The following DLG2 variants were observed in gnomAD, a reference collection of about 807,000 sequenced individuals.
The protein encoded by DLG2 is disks large homolog 2.
In DLG2, 45 loss-of-function variants were observed where a neutral mutation model predicts 132.5. The observed-to-expected ratio is 0.34, with a 90% CI of 0.27 to 0.44. The LOEUF is 0.44. Ranked by LOEUF, DLG2 falls within the 20% of genes least tolerant of loss-of-function variation. The pLI, the probability that DLG2 is intolerant of heterozygous loss-of-function variation, is 1.00. For missense variants in DLG2, 1,045 were observed against 1,196.9 expected, an observed-to-expected ratio of 0.87 and a Z score of 1.87; for synonymous variants, 424 against 419.6, an observed-to-expected ratio of 1.01 and a Z score of -0.13.
intron 5 of DLG2, among the ~76,000 whole-genome samples, chr11:85,122,980 T>TATATATATATATATATATATATA (rs1169673884): frequency 3.6e-5 from 1 of 27,594 alleles, no homozygotes; most frequent in African/African-American, 1.6e-4. Flanking sequence ...TTTTTTTTTT[T>TATATATATATATATATATATATA]TTTTTTTTTT....
At chr11:84,130,836 T>C (rs2094392832) in intron 9 of DLG2, among the ~76,000 whole-genome samples, 1 of 151,822 alleles carries the variant, frequency 6.6e-6, no homozygotes, top group African/African-American at 2.4e-5. Context: ...TCAGTTTGCT[T>C]TTAGAGAAGT....
In DLG2 at chr11:83,656,717, A is replaced by C. The variant is rs2072566032; in HGVS notation, c.1826-23392T>G. Reference sequence around the variant, plus strand: ...CACATTGATCCCAATGCAATCTGCTAATCTACATTTTGTTGTACTTTAGAT... The same window carrying C: ...CACATTGATCCCAATGCAATCTGCTCATCTACATTTTGTTGTACTTTAGAT... On this transcript the variant is annotated intron_variant, in intron 18 of 27. Transcript: ENST00000376104. 2.0e-5 allele frequency among the ~76,000 whole-genome samples: 3 copies of C among 152,214 alleles called. No individual in the cohort carries two copies. In the South Asian group the frequency reaches 6.2e-4, roughly 32 times the overall value.
chr11:85,523,126 G>A (rs1464060835), intron 3 of DLG2, among the ~76,000 whole-genome samples: 2 of 152,118 alleles, frequency 1.3e-5, no homozygotes, highest in Non-Finnish European at 2.9e-5. Context: ...AATCATGGGG[G>A]AAGTTCTCCT....
At chr11:83,509,848 G>T (rs1041236956) in intron 21 of DLG2, among the ~76,000 whole-genome samples, 1 of 152,110 alleles carries the variant, frequency 6.6e-6, no homozygotes, top group Non-Finnish European at 1.5e-5. Context: ...AGACCTGGGC[G>T]TAAGTTTTGG....
chr11:84,097,384 T>C (rs1315775872), intron 10 of DLG2, among the ~76,000 whole-genome samples: 3 of 152,118 alleles, frequency 2.0e-5, no homozygotes, highest in Non-Finnish European at 4.4e-5. Context: ...TCAACAAGAA[T>C]CCTGCCAAGT....
At chr11:83,746,691 C>T (rs1039242467) in intron 18 of DLG2, among the ~76,000 whole-genome samples, 27 of 152,060 alleles carry the variant, frequency 1.8e-4, no homozygotes, top group African/African-American at 4.6e-4. Flanking sequence ...CAAACCTGCA[C>T]GTTGTGCACA....
chr11:84,686,306 T>C (rs1332055713), intron 6 of DLG2, among the ~76,000 whole-genome samples: 1 of 152,198 alleles, frequency 6.6e-6, no homozygotes, highest in African/African-American at 2.4e-5. Context: ...TGGTTCTTTC[T>C]GAATCATTTT....
intron 11 of DLG2, among the ~76,000 whole-genome samples, chr11:84,046,973 C>T (rs2096254095): frequency 6.6e-6 from 1 of 151,552 alleles, no homozygotes; most frequent in African/African-American, 2.4e-5. Flanking sequence ...GAAAGTACTG[C>T]AAGTTTTAAT....
At chr11:83,792,642 T>C (rs1409635383) in intron 17 of DLG2, among the ~76,000 whole-genome samples, 1 of 152,112 alleles carries the variant, frequency 6.6e-6, no homozygotes, top group African/African-American at 2.4e-5. Context: ...TATACCTTAG[T>C]CAGCTTTCTA....
intron 6 of DLG2, among the ~76,000 whole-genome samples, chr11:84,552,546 C>T (rs564516382): frequency 6.6e-6 from 1 of 152,188 alleles, no homozygotes; most frequent in African/African-American, 2.4e-5. Context: ...ACCTCACCCC[C>T]AGACTGCGGT....
chr11:84,880,128 G>C (rs938647055), intron 6 of DLG2, among the ~76,000 whole-genome samples: 2 of 151,982 alleles, frequency 1.3e-5, no homozygotes, highest in African/African-American at 4.8e-5. Context: ...TAAATGGAGG[G>C]GAAGCATCTC....
chr11:84,728,510 C>A (rs56202007), intron 6 of DLG2, among the ~76,000 whole-genome samples: 5 of 151,902 alleles, frequency 3.3e-5, no homozygotes, highest in Admixed American at 6.6e-5. Flanking sequence ...TATTGAGGAC[C>A]TTCGCATCGA....
At chr11:83,686,548 T>G (rs1274299802) in intron 18 of DLG2, among the ~76,000 whole-genome samples, 1 of 152,128 alleles carries the variant, frequency 6.6e-6, no homozygotes, top group Non-Finnish European at 1.5e-5. Context: ...GAACAGGACT[T>G]GCCACATAAT....
chr11:85,032,687 C>T (rs577950), intron 6 of DLG2, among the ~76,000 whole-genome samples: 108,286 of 152,086 alleles, frequency 0.71, 39,518 homozygotes, highest in East Asian at 0.93. Flanking sequence ...TAGCCTATCA[C>T]TTCTAGTTTT....
intron 6 of DLG2, among the ~76,000 whole-genome samples, chr11:85,081,901 A>G (rs1445602347): frequency 6.6e-6 from 1 of 152,164 alleles, no homozygotes; most frequent in Non-Finnish European, 1.5e-5. Context: ...TGTATCCAGG[A>G]GGAAGGAAAT....
At chr11:84,562,955 T>C (rs1274190482) in intron 6 of DLG2, among the ~76,000 whole-genome samples, 1 of 152,102 alleles carries the variant, frequency 6.6e-6, no homozygotes, top group Non-Finnish European at 1.5e-5. Flanking sequence ...TCTTGGCATG[T>C]TGTTCAGGCT....
At chr11:85,358,910 C>CT (rs1325447345) in intron 3 of DLG2, among the ~76,000 whole-genome samples, 2 of 152,082 alleles carry the variant, frequency 1.3e-5, no homozygotes, top group Non-Finnish European at 2.9e-5. Flanking sequence ...CAGCTAATTA[C>CT]TTTTTTTCTT....
At chr11:84,443,923 T>G (rs1008426611) in intron 7 of DLG2, among the ~76,000 whole-genome samples, 1 of 152,008 alleles carries the variant, frequency 6.6e-6, no homozygotes, top group Non-Finnish European at 1.5e-5. Flanking sequence ...ATTTTTATCA[T>G]TTTTTTCTCT....
intron 16 of DLG2, among the ~76,000 whole-genome samples, chr11:83,845,144 G>A (rs1040226715): frequency 6.6e-6 from 1 of 152,004 alleles, no homozygotes; most frequent in Non-Finnish European, 1.5e-5. Context: ...GAAGTCATAT[G>A]GGAAGTCTAC....
Sources: gnomAD v4.1 joint callset for allele counts (sites outside exome capture counted in the v4.1 genomes callset) on GRCh38, gnomAD v4.1.1 for gene constraint, MANE v1.5 for transcripts, NCBI Gene and HGNC (gene_info 2026-07-23, HGNC 2026-07-21) for gene names.